LARP1: variants seen among roughly 807,000 people sequenced by gnomAD.
LARP1 encodes La ribonucleoprotein 1, translational regulator, also known as la-related protein 1.
A neutral mutation model predicts 122.7 loss-of-function variants in LARP1; 36 were observed. That is an observed-to-expected ratio of 0.29 (90% CI 0.22 to 0.39). LARP1 has a LOEUF of 0.39. LARP1 is among the 10% of genes least tolerant of loss of function. The pLI is 1.00. For synonymous variants in LARP1, 539 were observed against 528.7 expected (o/e 1.02, Z -0.27); for missense variants, 1,040 against 1,403.6 (o/e 0.74, Z 4.14).
In LARP1 at chr5:154,713,033, A is replaced by G. The variant is rs137902066; in HGVS notation, c.108A>G (p.Lys36=). The change falls in exon 1 of 19, where the codon AAA becomes AAG. Residue 36 remains lysine (K), a synonymous_variant. Transcript: ENST00000336314. ...GCCCTGGCAGACTCCCAGGGAGGAAAAACAGCGTGGCCTTGGCAGCTGCCC... is the reference window on the plus strand; with the variant it reads ...GCCCTGGCAGACTCCCAGGGAGGAAGAACAGCGTGGCCTTGGCAGCTGCCC... 41 of 1,614,188 alleles carry G rather than the reference A, an allele frequency of 2.5e-5. No homozygotes were observed. In the African/African-American group the frequency reaches 4.3e-4, roughly 17 times the overall value.
intron 1 of LARP1, among the ~76,000 whole-genome samples, chr5:154,690,463 A>G (rs565303680): frequency 6.6e-6 from 1 of 152,316 alleles, no homozygotes; most frequent in East Asian, 1.9e-4. Context: ...ACCCAACTGT[A>G]TGAAGCACGG....
intron 1 of LARP1, chr5:154,756,590 C>T (rs1438272143): frequency 3.8e-6 from 3 of 795,956 alleles, no homozygotes; most frequent in Non-Finnish European, 4.6e-6. Context: ...CGGCGCTCCC[C>T]GTTTTGGTAG....
chr5:154,701,005 C>T (rs1007333904), intron 1 of LARP1, among the ~76,000 whole-genome samples: 3 of 152,064 alleles, frequency 2.0e-5, no homozygotes, highest in Non-Finnish European at 2.9e-5. Flanking sequence ...GATAGCATCT[C>T]GCTATGTTGT....
intron 1 of LARP1, among the ~76,000 whole-genome samples, chr5:154,724,958 G>T (rs531234387): frequency 2.6e-5 from 4 of 152,128 alleles, no homozygotes; most frequent in Non-Finnish European, 5.9e-5. Context: ...GAGCCATCTC[G>T]CCTGGCCACC....
chr5:154,765,625 C>T (rs1180656384), intron 1 of LARP1, among the ~76,000 whole-genome samples: 1 of 152,164 alleles, frequency 6.6e-6, no homozygotes, highest in Non-Finnish European at 1.5e-5. Flanking sequence ...AACTCCTAGG[C>T]TCAAGCAGTC....
In LARP1 at chr5:154,756,090, G is replaced by T; in HGVS notation, c.333G>T (p.Ala111=). ...GAGGAGCTGCCGGAGCCGCGGGCGC[G>T]GGGCGCCGGGACTTCGTGGAAGCCC... ...AGGGAAGAAG[A]GRRDFVEAPP... The change falls in exon 1 of 19, where the codon GCG becomes GCT. Residue 111 remains alanine, a synonymous_variant. Transcript: ENST00000518297. 8.5e-7 allele frequency: 1 copy of T among 1,171,060 alleles called. No homozygotes were observed. Among genetic ancestry groups the T allele is most frequent in the Non-Finnish European group, 1.1e-6 (1 of 930,870 alleles). The allele number at this position is 1,171,060 out of a possible 1,614,324, so 72.5% of individuals were successfully genotyped here. A position where few individuals can be genotyped will look rare whatever the true frequency, so the allele number is the denominator to read the frequency against.
chr5:154,796,300 T>G (rs2113802066), intron 8 of LARP1, among the ~76,000 whole-genome samples: 1 of 149,512 alleles, frequency 6.7e-6, no homozygotes, highest in Non-Finnish European at 1.5e-5. Flanking sequence ...GAGGGTCATG[T>G]GAGCCCAGGA....
rs863649 is a variant in LARP1, at chr5:154,814,175, A to G, written c.*79A>G. On this transcript the variant is annotated 3_prime_UTR_variant, in exon 19 of 19. Coordinates refer to ENST00000518297, the MANE Select transcript of LARP1 (RefSeq NM_033551.3). Reference sequence around the variant, plus strand: ...TCCATGGGGGTGCCCAGTCCCAGGAAAGGGGACAATGAAGGGACAGGCCTG... The same window carrying G: ...TCCATGGGGGTGCCCAGTCCCAGGAGAGGGGACAATGAAGGGACAGGCCTG... The G allele has an allele frequency of 1, 1,401,133 of 1,401,386 alleles. 700,440 individuals carry two copies. Among genetic ancestry groups the G allele is most frequent in the Middle Eastern group, 1 (5,646 of 5,646 alleles). 86.8% of individuals were successfully genotyped at this position (1,401,386 alleles called of 1,614,324 possible).
At chr5:154,805,420 G>A (rs959397861) in intron 14 of LARP1, among the ~76,000 whole-genome samples, 1 of 152,122 alleles carries the variant, frequency 6.6e-6, no homozygotes, top group Non-Finnish European at 1.5e-5. Flanking sequence ...TGAGAAGGAG[G>A]GGTTGGTCTT....
intron 1 of LARP1, among the ~76,000 whole-genome samples, chr5:154,685,434 C>T (rs976073328): frequency 6.6e-6 from 1 of 152,088 alleles, no homozygotes; most frequent in Non-Finnish European, 1.5e-5. Flanking sequence ...CCTCATATTC[C>T]AAGCTGGCTG....
Position 154,715,663 on chromosome 5 carries a change from T to C in LARP1, c.205+2533T>C, listed in dbSNP as rs1248048764. ...TCCTCCCAAGAGTGAATGCGGGGTG[T>C]GTGCGAATATTTTTTGAGTGCCTTG... On this transcript the variant is annotated intron_variant, in intron 1 of 18. Transcript: ENST00000336314. 2.0e-5 allele frequency among the ~76,000 whole-genome samples: 3 copies of C among 152,096 alleles called. No individual in the cohort carries two copies. The East Asian group carries it at 5.8e-4, about 29-fold the overall frequency.
At chr5:154,734,532 A>C (rs1756767962) in intron 1 of LARP1, among the ~76,000 whole-genome samples, 1 of 152,232 alleles carries the variant, frequency 6.6e-6, no homozygotes, top group African/African-American at 2.4e-5. Context: ...ATATATTAGA[A>C]TAGAAAAGGA....
intron 1 of LARP1, among the ~76,000 whole-genome samples, chr5:154,743,777 A>G (rs1182381958): frequency 6.7e-6 from 1 of 148,760 alleles, no homozygotes; most frequent in Non-Finnish European, 1.5e-5. Context: ...CCGCCATGAC[A>G]CTCAGTTAAT....
intron 1 of LARP1, among the ~76,000 whole-genome samples, chr5:154,696,483 A>G (rs1004908687): frequency 1.3e-5 from 2 of 152,212 alleles, no homozygotes; most frequent in African/African-American, 4.8e-5. Context: ...CAAAATGATA[A>G]TGGGAAATGT....
intron 1 of LARP1, among the ~76,000 whole-genome samples, chr5:154,722,398 G>A (rs1044977523): frequency 2.6e-5 from 4 of 152,110 alleles, no homozygotes; most frequent in Non-Finnish European, 5.9e-5. Flanking sequence ...CTGGTGGGTG[G>A]GCAGGAGGAA....
chr5:154,800,161 C>G lies in LARP1; in HGVS notation c.1716+119C>G. The stretch of plus-strand genomic sequence containing the variant: ...GGGCCAGCAGGAAATCTGGGTAGTT[C>G]AGGATCATAGTGTGAGTTGAAGTTA... On this transcript the variant is annotated intron_variant, in intron 10 of 18. Transcript: ENST00000518297. The G allele has an allele frequency of 1.7e-5, 15 of 905,248 alleles. No individual in the cohort carries two copies. The South Asian group carries it at 2.5e-4, about 15-fold the overall frequency. The allele number at this position is 905,248 out of a possible 1,614,324, so 56.1% of individuals were successfully genotyped here.
rs553515524 is a variant in LARP1, at chr5:154,714,434, C to T, written c.205+1304C>T. Among the ~76,000 whole-genome samples, 7 of 152,336 alleles carry T rather than the reference C, an allele frequency of 4.6e-5. No homozygotes were observed. The South Asian group carries it at 1.5e-3, about 32-fold the overall frequency. On this transcript the variant is annotated intron_variant, in intron 1 of 18. Coordinates refer to the LARP1 transcript ENST00000336314. ...ACAAAAAGAAAGGGGAAATAGCTCA[C>T]TGAGTCATGGTATTTTCTAACGACT...
At position 154,793,973 on chromosome 5, in the gene LARP1, C is replaced by T. The variant is rs992080696; in HGVS notation, c.1042C>T (p.Arg348Trp). Residue 348 changes from arginine (R) to tryptophan (W), a missense_variant, in exon 6 of 19, where the codon CGG becomes TGG. This residue lies in a region of LARP1 where 178 missense variants were observed against 178.3 expected (regional missense o/e 1.00). Coordinates refer to ENST00000518297, the MANE Select transcript of LARP1 (RefSeq NM_033551.3). Reference protein sequence around the residue: ...RGRGRGRGRGRGRGRGGTRTH... With the variant: ...RGRGRGRGRGWGRGRGGTRTH... The stretch of plus-strand genomic sequence containing the variant: ...CCGTGGACGGGGGCGTGGTCGCGGC[C>T]GGGGACGCGGCCGGGGTGGCACTCG... 2.9e-5 allele frequency: 46 copies of T among 1,610,862 alleles called. No individual in the cohort carries two copies. Among genetic ancestry groups the T allele is most frequent in the African/African-American group, 5.3e-5 (4 of 74,800 alleles).
chr5:154,791,134 GTT>G (rs778607471), intron 3 of LARP1, among the ~76,000 whole-genome samples: 15 of 116,250 alleles, frequency 1.3e-4, no homozygotes, highest in Non-Finnish European at 2.0e-4. Context: ...GTTTTTTGTT[GTT>G]TTTTTTTTTT....
Sources: allele counts gnomAD v4.1 joint callset (sites outside exome capture counted in the v4.1 genomes callset), GRCh38; gene constraint gnomAD v4.1.1; regional missense constraint gnomAD v4.1.1; transcripts MANE v1.5; gene names NCBI Gene and HGNC (gene_info 2026-07-23, HGNC 2026-07-21).